The following FH variants were observed in gnomAD, a reference collection of about 807,000 sequenced individuals.
FH encodes the protein fumarate hydratase.
Under a neutral mutation model 49.4 loss-of-function variants are expected in FH, and 22 were observed. The observed-to-expected ratio is 0.45, with a 90% CI of 0.32 to 0.64. FH has a LOEUF of 0.64. Among genes scored for constraint, FH ranks in the 30% least tolerant of loss-of-function variants. FH has a pLI of 0.05. For missense variants in FH, 526 were observed against 641.5 expected, an observed-to-expected ratio of 0.82 and a Z score of 1.95; for synonymous variants, 208 against 223.0, an observed-to-expected ratio of 0.93 and a Z score of 0.60.
intron 4 of FH, among the ~76,000 whole-genome samples, chr1:241,511,007 A>G (rs1660070100): frequency 6.6e-6 from 1 of 152,186 alleles, no homozygotes; most frequent in Non-Finnish European, 1.5e-5. Flanking sequence ...AAAAGTCTCA[A>G]TCTAATGAGA....
In FH at chr1:241,508,594, C is replaced by A. The variant is rs1443246780; in HGVS notation, c.738+9G>T. The stretch of plus-strand genomic sequence containing the variant: ...TCTAAATTGAATCAAATTAGTCAAA[C>A]TCCTATACCTGCCCAAGAGTAAGTG... On this transcript the variant is annotated intron_variant, in intron 5 of 9. Transcript: ENST00000366560. 1 of 1,610,390 alleles carries A rather than the reference C, an allele frequency of 6.2e-7. No individual in the cohort carries two copies. Among genetic ancestry groups the A allele is most frequent in the African/African-American group, 1.3e-5 (1 of 74,948 alleles).
At chr1:241,517,693 G>T (rs1660257742) in intron 1 of FH, among the ~76,000 whole-genome samples, 1 of 152,034 alleles carries the variant, frequency 6.6e-6, no homozygotes, top group African/African-American at 2.4e-5. Context: ...AACGGTCTAA[G>T]AATGATTATT....
At chr1:241,510,269 G>A (rs560226763) in intron 4 of FH, among the ~76,000 whole-genome samples, 1 of 152,274 alleles carries the variant, frequency 6.6e-6, no homozygotes, top group Admixed American at 6.5e-5. Flanking sequence ...GGCTGGGGCA[G>A]AAACAATACA....
At chr1:241,498,392 C>A (rs1326872922) in intron 9 of FH, among the ~76,000 whole-genome samples, 1 of 151,876 alleles carries the variant, frequency 6.6e-6, no homozygotes, top group Non-Finnish European at 1.5e-5. Context: ...TAAAGCACTG[C>A]ACGTCTGGCA....
In FH at chr1:241,506,186, TTAAGG is replaced by T; in HGVS notation, c.739-23_739-19del. 6.3e-7 allele frequency: 1 copy of T among 1,589,892 alleles called. No individual in the cohort carries two copies. ...CTAAATTCCTGAAAAGAAAAGAAAATTAAGGTAAGAATAAGTAATTCCTAATAGCT... is the reference window on the plus strand; with the variant it reads ...CTAAATTCCTGAAAAGAAAAGAAAATTAAGAATAAGTAATTCCTAATAGCT... On this transcript the variant is annotated intron_variant, in intron 5 of 9. Transcript: ENST00000366560.
intron 6 of FH, among the ~76,000 whole-genome samples, chr1:241,505,266 C>T (rs543359936): frequency 3.9e-5 from 6 of 152,142 alleles, no homozygotes; most frequent in Admixed American, 3.9e-4. Context: ...CATCCTCTCC[C>T]CTAGCCAGGA....
intron 9 of FH, 52 bp downstream of exon 9, chr1:241,500,385 T>C (rs926524019): frequency 6.3e-7 from 1 of 1,575,408 alleles, no homozygotes; most frequent in Non-Finnish European, 8.7e-7. Flanking sequence ...AAAAATGGTT[T>C]AGCTTTTTAA....
intron 5 of FH, among the ~76,000 whole-genome samples, chr1:241,507,029 C>T (rs1454223914): frequency 6.6e-6 from 1 of 152,174 alleles, no homozygotes; most frequent in East Asian, 1.9e-4. Flanking sequence ...AAAGATATAA[C>T]TCATTATAGG....
intron 5 of FH, among the ~76,000 whole-genome samples, 180 bp from the exon 6 acceptor site, chr1:241,506,348 G>T (rs1251136142): frequency 6.6e-6 from 1 of 152,136 alleles, no homozygotes; most frequent in Non-Finnish European, 1.5e-5. Flanking sequence ...AAGGATGAGG[G>T]TTTATAGAAC....
intron 8 of FH, 37 bp downstream of exon 8, chr1:241,502,406 T>C (rs769517349): frequency 1.2e-6 from 2 of 1,613,064 alleles, no homozygotes; most frequent in South Asian, 2.2e-5. Flanking sequence ...AATAAGCCTT[T>C]GGTCAAAAAA....
intron 2 of FH, 103 bp downstream of exon 2, chr1:241,517,079 T>C: frequency 1.4e-6 from 2 of 1,434,844 alleles, no homozygotes; most frequent in Non-Finnish European, 2.0e-6. Flanking sequence ...TCTTTTCTAA[T>C]AACTTTACAT....
chr1:241,509,938 T>C (rs1660040523), intron 4 of FH, among the ~76,000 whole-genome samples: 1 of 152,192 alleles, frequency 6.6e-6, no homozygotes, highest in Non-Finnish European at 1.5e-5. Context: ...AGAAGTAGGA[T>C]GAATGGTATA....
chr1:241,518,067 A>G (rs1660266773), intron 1 of FH, among the ~76,000 whole-genome samples: 1 of 152,222 alleles, frequency 6.6e-6, no homozygotes. Context: ...CACTCAATAA[A>G]CAGTATCTTT....
chr1:241,499,451 A>AT (rs1659712527), intron 9 of FH, among the ~76,000 whole-genome samples: 1 of 152,230 alleles, frequency 6.6e-6, no homozygotes. Context: ...TTGATGTACC[A>AT]TAATTTTAAA....
chr1:241,509,342 C>T (rs1573883748), intron 4 of FH, among the ~76,000 whole-genome samples: 1 of 152,084 alleles, frequency 6.6e-6, no homozygotes, highest in East Asian at 1.9e-4. Context: ...AGGTAGATTA[C>T]CACTTTAAAA....
Position 241,508,338 on chromosome 1 carries a change from C to T in FH, c.738+265G>A, listed in dbSNP as rs11802956. ...ACTGAGGCACAGAAAGGCTAAATGA[C>T]TTTCCTATGGTCCCATAGCTTGTAC... is the stretch of plus-strand genomic sequence containing the variant. On this transcript the variant is annotated intron_variant, in intron 5 of 9. Coordinates refer to ENST00000366560, the MANE Select transcript of FH (RefSeq NM_000143.4). 0.4 allele frequency among the ~76,000 whole-genome samples: 60,964 copies of T among 151,986 alleles called. 12,325 individuals are homozygous for T. The highest frequency in any genetic ancestry group is 0.44 in the African/African-American group (18,379 of 41,452).
intron 2 of FH, 93 bp from the exon 3 acceptor site, chr1:241,513,806 A>T (rs1244331049): frequency 3.2e-6 from 3 of 936,498 alleles, no homozygotes; most frequent in Non-Finnish European, 5.2e-6. Flanking sequence ...TACATAAAAC[A>T]ATAACAATAA....
At chr1:241,509,778 AACACACACACACACACACAC>A (rs71174810) in intron 4 of FH, among the ~76,000 whole-genome samples, 33 of 139,290 alleles carry the variant, frequency 2.4e-4, no homozygotes, top group African/African-American at 5.8e-4. Flanking sequence ...ACAATCTCTA[AACACACACACACACACACAC>A]ACACACACAC....
At chr1:241,502,297 TG>T in intron 8 of FH, 145 bp downstream of exon 8, 1 of 859,840 alleles carries the variant, frequency 1.2e-6, no homozygotes, top group Non-Finnish European at 1.9e-6. Flanking sequence ...AGGATTATTC[TG>T]GTAACTTAAT....
Sources: gnomAD v4.1 joint callset for allele counts (sites outside exome capture counted in the v4.1 genomes callset) on GRCh38, gnomAD v4.1.1 for gene constraint, MANE v1.5 for transcripts, NCBI Gene and HGNC (gene_info 2026-07-23, HGNC 2026-07-21) for gene names.